CTIF: variants seen among roughly 807,000 people sequenced by gnomAD.
The protein encoded by CTIF is cap binding complex dependent translation initiation factor, also known as CBP80/20-dependent translation initiation factor.
A neutral mutation model predicts 66.0 loss-of-function variants in CTIF; 21 were observed. That is an observed-to-expected ratio of 0.32 (90% CI 0.23 to 0.46). The LOEUF is 0.46. CTIF is among the 20% of genes least tolerant of loss of function. The probability of loss-of-function intolerance (pLI) is 1.00; values close to 1 mark genes in which losing one functional copy is unlikely to be tolerated. For synonymous variants in CTIF, 345 were observed against 326.4 expected, an observed-to-expected ratio of 1.06 and a Z score of -0.62; for missense variants, 739 against 812.7, an observed-to-expected ratio of 0.91 and a Z score of 1.10.
rs747412531 is a variant in CTIF, at chr18:48,846,720, C to CGGATGGAT, written c.1528-10850_1528-10843dup. ...ATGGATGAAAGGATGGATAGATGGG[C>CGGATGGAT]GGATGGATGGATGGATGGATGGATG... On this transcript the variant is annotated intron_variant, in intron 10 of 11. Coordinates refer to ENST00000256413, the MANE Select transcript of CTIF (RefSeq NM_014772.3). 1.6e-3 allele frequency among the ~76,000 whole-genome samples: 144 copies of CGGATGGAT among 92,300 alleles called. 1 individual carries two copies. The highest frequency in any genetic ancestry group is 5.5e-3 in the African/African-American group (128 of 23,216). 60.6% of individuals were successfully genotyped at this position (92,300 alleles called of 152,430 possible). A position where few individuals can be genotyped will look rare whatever the true frequency, so the allele number is the denominator to read the frequency against.
intron 8 of CTIF, among the ~76,000 whole-genome samples, chr18:48,759,063 G>C (rs1000101775): frequency 1.3e-5 from 2 of 152,136 alleles, no homozygotes; most frequent in African/African-American, 4.8e-5. Flanking sequence ...GGCTCTTTCT[G>C]CACCCTGGTC....
chr18:48,611,936 G>C (rs1443652710), intron 1 of CTIF, among the ~76,000 whole-genome samples: 1 of 152,196 alleles, frequency 6.6e-6, no homozygotes, highest in African/African-American at 2.4e-5. Flanking sequence ...AGTGACAAAA[G>C]GGTTAATTTG....
intron 10 of CTIF, among the ~76,000 whole-genome samples, chr18:48,840,252 G>T (rs184571620): frequency 3.5e-4 from 54 of 152,310 alleles, no homozygotes; most frequent in Non-Finnish European, 2.1e-4. Flanking sequence ...GACGAGTTTG[G>T]GTGGATTGGA....
In CTIF at chr18:48,626,414, C is replaced by A. The variant is rs553996909; in HGVS notation, c.180+6669C>A. Among the ~76,000 whole-genome samples the A allele has an allele frequency of 3.9e-5, 6 of 151,990 alleles. 1 individual carries two copies. The highest frequency in any genetic ancestry group is 8.8e-5 in the Non-Finnish European group (6 of 68,006). ...CCGGGCTAGATTGCCATGGCATGCT[C>A]TCGGCTCACTGCAACCTCTGCCTCC... On this transcript the variant is annotated intron_variant, in intron 2 of 11. Coordinates refer to ENST00000256413, the MANE Select transcript of CTIF (RefSeq NM_014772.3).
At chr18:48,642,818 G>T (rs1310298620) in intron 3 of CTIF, among the ~76,000 whole-genome samples, 3 of 152,184 alleles carry the variant, frequency 2.0e-5, no homozygotes, top group Non-Finnish European at 4.4e-5. Flanking sequence ...GCTTGGTGGG[G>T]CAGTTCCGTT....
chr18:48,548,233 C>A (rs1466040264), intron 1 of CTIF, among the ~76,000 whole-genome samples: 1 of 152,162 alleles, frequency 6.6e-6, no homozygotes, highest in Non-Finnish European at 1.5e-5. Flanking sequence ...ATAGGGCCTT[C>A]CCCTGGGGTA....
chr18:48,706,759 A>T (rs934192288), intron 6 of CTIF, among the ~76,000 whole-genome samples: 2 of 151,938 alleles, frequency 1.3e-5, no homozygotes, highest in African/African-American at 2.4e-5. Flanking sequence ...GCAAGCACTG[A>T]CCTCAGGACA....
chr18:48,775,571 G>C (rs1599022318), intron 9 of CTIF, among the ~76,000 whole-genome samples: 4 of 152,254 alleles, frequency 2.6e-5, no homozygotes, highest in Admixed American at 2.6e-4. Context: ...GGCCCCACAG[G>C]GTTCCCTGAG....
intron 1 of CTIF, chr18:48,565,389 T>C (rs1417753377): frequency 6.6e-6 from 1 of 152,154 alleles, no homozygotes; most frequent in Admixed American, 6.5e-5. Context: ...CACTCAGTTG[T>C]GTTGTCTTTC....
chr18:48,723,163 C>T (rs1015026410), intron 7 of CTIF, among the ~76,000 whole-genome samples: 3 of 152,196 alleles, frequency 2.0e-5, no homozygotes, highest in Non-Finnish European at 4.4e-5. Context: ...TCCCCATCTG[C>T]AGACTCAGCT....
At chr18:48,748,698 T>C (rs903515865) in intron 7 of CTIF, among the ~76,000 whole-genome samples, 5 of 152,174 alleles carry the variant, frequency 3.3e-5, no homozygotes, top group African/African-American at 1.2e-4. Context: ...CTTTCAAGTT[T>C]TTACCACATC....
intron 1 of CTIF, among the ~76,000 whole-genome samples, chr18:48,592,989 G>C (rs1350947750): frequency 6.6e-6 from 1 of 152,236 alleles, no homozygotes; most frequent in African/African-American, 2.4e-5. Context: ...CAGCTGGGCT[G>C]GTGTCTATAC....
intron 7 of CTIF, among the ~76,000 whole-genome samples, chr18:48,750,384 A>G (rs747389562): frequency 1.3e-5 from 2 of 152,258 alleles, no homozygotes; most frequent in African/African-American, 4.8e-5. Flanking sequence ...TCAGAACCCC[A>G]TAGAGTATCC....
At chr18:48,568,767 CA>C (rs2089343124) in intron 1 of CTIF, among the ~76,000 whole-genome samples, 1 of 150,236 alleles carries the variant, frequency 6.7e-6, no homozygotes, top group African/African-American at 2.4e-5. Flanking sequence ...TGGCGGCAGG[CA>C]AAAGAGTGTG....
intron 9 of CTIF, among the ~76,000 whole-genome samples, chr18:48,788,886 T>A (rs2146115650): frequency 6.6e-6 from 1 of 152,270 alleles, no homozygotes; most frequent in Non-Finnish European, 1.5e-5. Flanking sequence ...AAAGGTACTA[T>A]GACATCAGAG....
intron 6 of CTIF, 92 bp from the exon 7 acceptor site, chr18:48,711,527 C>A: frequency 3.1e-6 from 3 of 959,058 alleles, no homozygotes; most frequent in South Asian, 1.5e-5. Context: ...GTCTTTCTGT[C>A]TTAGATGCTG....
intron 1 of CTIF, among the ~76,000 whole-genome samples, chr18:48,610,623 C>T (rs1370571157): frequency 3.3e-5 from 5 of 152,256 alleles, no homozygotes; most frequent in African/African-American, 1.2e-4. Flanking sequence ...CCGATCTCAG[C>T]CCCCATTCTG....
rs752786801 is a variant in CTIF, at chr18:48,758,334, A to G, written c.1000A>G (p.Ile334Val). The change falls in exon 8 of 12, where the codon ATC (isoleucine) becomes GTC (valine). Residue 334 changes from isoleucine (I) to valine (V), a missense_variant. Coordinates refer to ENST00000256413, the MANE Select transcript of CTIF (RefSeq NM_014772.3). ...TAAAGACAGTATTCTTCCCGAGCGCATCGGGGAGCGGCCCAAAATTACCCT... is the reference window on the plus strand; with the variant it reads ...TAAAGACAGTATTCTTCCCGAGCGCGTCGGGGAGCGGCCCAAAATTACCCT... ...KRKDSILPER[I>V]GERPKITLLQ... 4.3e-6 allele frequency: 7 copies of G among 1,612,428 alleles called. No individual in the cohort carries two copies. The highest frequency in any genetic ancestry group is 1.3e-5 in the African/African-American group (1 of 74,922).
chr18:48,844,713 A>T (rs1169402087), intron 10 of CTIF, among the ~76,000 whole-genome samples: 1 of 152,194 alleles, frequency 6.6e-6, no homozygotes, highest in Non-Finnish European at 1.5e-5. Flanking sequence ...ACTGGTGGAA[A>T]AGTGGCATGG....
Sources: gnomAD v4.1 joint callset for allele counts (sites outside exome capture counted in the v4.1 genomes callset) on GRCh38, gnomAD v4.1.1 for gene constraint, MANE v1.5 for transcripts, NCBI Gene and HGNC (gene_info 2026-07-23, HGNC 2026-07-21) for gene names.